Variants in PPIF observed in about 807,000 individuals in gnomAD.
PPIF encodes peptidyl-prolyl cis-trans isomerase F, mitochondrial.
A neutral mutation model predicts 20.2 loss-of-function variants in PPIF; 23 were observed. The ratio of observed to expected loss-of-function variants is 1.14; its 90% CI spans 0.82 to 1.61. PPIF has a LOEUF of 1.61. Among genes scored for constraint, PPIF ranks in the 40% most tolerant of loss-of-function variants. The pLI is 0.00. For missense variants in PPIF, 287 were observed against 291.6 expected, an observed-to-expected ratio of 0.98 and a Z score of 0.11; for synonymous variants, 113 against 123.1, an observed-to-expected ratio of 0.92 and a Z score of 0.54.
intron 4 of PPIF, chr10:79,351,815 C>G (rs1437742714): frequency 6.0e-6 from 3 of 497,622 alleles, no homozygotes; most frequent in African/African-American, 3.9e-5. Flanking sequence ...GTGGAAGAAC[C>G]TTTAAGCAGA....
intron 4 of PPIF, among the ~76,000 whole-genome samples, chr10:79,352,059 C>A (rs898293347): frequency 6.6e-6 from 1 of 152,110 alleles, no homozygotes; most frequent in African/African-American, 2.4e-5. Flanking sequence ...GGGGTCCTGC[C>A]CCAGGTCCCG....
intron 4 of PPIF, among the ~76,000 whole-genome samples, 156 bp from the exon 5 acceptor site, chr10:79,352,161 G>A (rs1855990374): frequency 6.6e-6 from 1 of 152,116 alleles, no homozygotes. Context: ...GGCATACCCT[G>A]GGGGGCTGGT....
intron 5 of PPIF, 129 bp downstream of exon 5, chr10:79,352,521 C>T (rs1211572964): frequency 3.3e-6 from 3 of 913,332 alleles, no homozygotes; most frequent in Non-Finnish European, 5.1e-6. Context: ...CTCTCCCAGG[C>T]TGTGTGTTTG....
In PPIF at chr10:79,354,217, C is replaced by G. The variant is rs1460657575; in HGVS notation, c.*375C>G. On this transcript the variant is annotated 3_prime_UTR_variant, in exon 6 of 6. Coordinates refer to ENST00000225174, the MANE Select transcript of PPIF (RefSeq NM_005729.4). ...GGACAGTCAGTTTTGCAAAAGGACT[C>G]TAATACCTGTTTAATATTGTCTTCC... 1 of 255,910 alleles carries G rather than the reference C, an allele frequency of 3.9e-6. No individual in the cohort carries two copies. The highest frequency in any genetic ancestry group is 7.7e-6 in the Non-Finnish European group (1 of 130,010). 15.9% of individuals were successfully genotyped at this position (255,910 alleles called of 1,614,324 possible).
Position 79,347,746 on chromosome 10 carries a change from G to A in PPIF, c.195+3G>A. On this transcript the variant is annotated splice_donor_region_variant and intron_variant, in intron 1 of 5. Transcript: ENST00000225174. The stretch of plus-strand genomic sequence containing the variant: ...CGCTCGGCCGCGTGGTGCTGGAGGT[G>A]AGACCGCTCGCAGGGCCGGCCTGGG... 1 of 1,342,480 alleles carries A rather than the reference G, an allele frequency of 7.4e-7. No homozygotes were observed. Among genetic ancestry groups the A allele is most frequent in the Non-Finnish European group, 9.6e-7 (1 of 1,038,808 alleles). The allele number at this position is 1,342,480 out of a possible 1,614,324, so 83.2% of individuals were successfully genotyped here.
chr10:79,352,603 G>A (rs1412431812), intron 5 of PPIF, among the ~76,000 whole-genome samples: 18 of 152,338 alleles, frequency 1.2e-4, no homozygotes, highest in Admixed American at 9.8e-4. Context: ...GTCATGGTTC[G>A]GGTTCCCATT....
At chr10:79,353,599 G>T in intron 5 of PPIF, 108 bp from the exon 6 acceptor site, 1 of 1,580,560 alleles carries the variant, frequency 6.3e-7, no homozygotes, top group South Asian at 1.1e-5. Context: ...ATTCCATGGG[G>T]ATTCTTTTCA....
At position 79,347,489 on chromosome 10, in the gene PPIF, G is replaced by A; in HGVS notation, c.-60G>A. On this transcript the variant is annotated 5_prime_UTR_variant, in exon 1 of 6. Coordinates refer to ENST00000225174, the MANE Select transcript of PPIF (RefSeq NM_005729.4). ...GCGGGACTCGGCCTTCTGGGCGCGCGCGACGTCAGTTTGAGTTCTGTGTTC... is the reference window on the plus strand; with the variant it reads ...GCGGGACTCGGCCTTCTGGGCGCGCACGACGTCAGTTTGAGTTCTGTGTTC... 1 of 1,253,040 alleles carries A rather than the reference G, an allele frequency of 8.0e-7. No homozygotes were observed. The highest frequency in any genetic ancestry group is 1.0e-6 in the Non-Finnish European group (1 of 999,480). 77.6% of individuals were successfully genotyped at this position (1,253,040 alleles called of 1,614,324 possible).
At chr10:79,348,064 C>G (rs944900993) in intron 1 of PPIF, among the ~76,000 whole-genome samples, 17 of 152,116 alleles carry the variant, frequency 1.1e-4, no homozygotes, top group Admixed American at 1.0e-3. Flanking sequence ...TGGGGCTGAG[C>G]CTAGATCCGG....
intron 3 of PPIF, 92 bp from the exon 4 acceptor site, chr10:79,351,394 TG>T: frequency 8.9e-7 from 1 of 1,123,182 alleles, no homozygotes; most frequent in Non-Finnish European, 1.3e-6. Flanking sequence ...GCCAACTGGG[TG>T]GGCTTGGGTG....
chr10:79,347,662 C>T lies in PPIF; in HGVS notation c.114C>T (p.Ser38=). Residue 38 remains serine (S), a synonymous_variant, in exon 1 of 6, where the codon TCC becomes TCT. Transcript: ENST00000225174. ...GCAGCAAGGGCTCCGGCGACCCGTC[C>T]TCTTCCTCCTCCTCCGGGAACCCGC... is the stretch of plus-strand genomic sequence containing the variant. ...RACSKGSGDP[S]SSSSSGNPLV... is the part of the protein sequence containing the mutation. 6.8e-7 allele frequency: 1 copy of T among 1,472,780 alleles called. No individual in the cohort carries two copies. The highest frequency in any genetic ancestry group is 9.0e-7 in the Non-Finnish European group (1 of 1,108,522). 91.2% of individuals were successfully genotyped at this position (1,472,780 alleles called of 1,614,324 possible). A position where few individuals can be genotyped will look rare whatever the true frequency, so the allele number is the denominator to read the frequency against.
At chr10:79,349,969 CCGGGGG>C in intron 3 of PPIF, 1 of 1,035,278 alleles carries the variant, frequency 9.7e-7, no homozygotes, top group Non-Finnish European at 1.3e-6. Flanking sequence ...CAGGCCCTGC[CCGGGGG>C]ACTGGGAGGT....
intron 3 of PPIF, 190 bp downstream of exon 3, chr10:79,349,943 C>A: frequency 7.7e-7 from 1 of 1,292,074 alleles, no homozygotes; most frequent in Non-Finnish European, 1.0e-6. Context: ...AACCCGCTGC[C>A]ACTCCAGGTC....
Position 79,347,600 on chromosome 10 carries a change from C to G in PPIF, c.52C>G (p.Arg18Gly). Residue 18 changes from arginine to glycine, a missense_variant, in exon 1 of 6, where the codon CGC becomes GGC. Arg to Gly is a moderately radical substitution (Grantham distance 125, BLOSUM62 -2). Transcript: ENST00000225174. The part of the protein sequence containing the change: ...SRWLGLLSVP[R>G]SVPLRLPAAR... Reference sequence around the variant, plus strand: ...CTGGCTCGGCCTGCTCTCCGTCCCGCGCTCCGTGCCGCTGCGCCTCCCCGC... The same window carrying G: ...CTGGCTCGGCCTGCTCTCCGTCCCGGGCTCCGTGCCGCTGCGCCTCCCCGC... 7.0e-7 allele frequency: 1 copy of G among 1,427,668 alleles called. No homozygotes were observed. Among genetic ancestry groups the G allele is most frequent in the Non-Finnish European group, 9.2e-7 (1 of 1,087,898 alleles). The allele number at this position is 1,427,668 out of a possible 1,614,324, so 88.4% of individuals were successfully genotyped here.
Position 79,352,409 on chromosome 10 carries a change from A to C in PPIF, c.488+17A>C, listed in dbSNP as rs764525827. 6.2e-7 allele frequency: 1 copy of C among 1,610,086 alleles called. No homozygotes were observed. The highest frequency in any genetic ancestry group is 8.5e-7 in the Non-Finnish European group (1 of 1,176,432). Reference sequence around the variant, plus strand: ...GACAGACTGGTGAGTTCCCTGCCCCAGGCCCTCTGGGAATGCGGGCAGCCT... The same window carrying C: ...GACAGACTGGTGAGTTCCCTGCCCCCGGCCCTCTGGGAATGCGGGCAGCCT... On this transcript the variant is annotated intron_variant, in intron 5 of 5. Coordinates refer to ENST00000225174, the MANE Select transcript of PPIF (RefSeq NM_005729.4).
intron 2 of PPIF, 143 bp from the exon 3 acceptor site, chr10:79,349,522 G>A (rs1483894973): frequency 4.9e-6 from 7 of 1,439,536 alleles, no homozygotes; most frequent in Non-Finnish European, 6.5e-6. Flanking sequence ...ATAGCGAGTT[G>A]GGCAGAGCAG....
In PPIF at chr10:79,354,076, C is replaced by A. The variant is rs535150575; in HGVS notation, c.*234C>A. On this transcript the variant is annotated 3_prime_UTR_variant, in exon 6 of 6. Coordinates refer to ENST00000225174, the MANE Select transcript of PPIF (RefSeq NM_005729.4). ...CTGGGCATCTTTGTGGACATGATGT[C>A]ACCCACCCCTTGTCAAGCATTGCCT... The A allele has an allele frequency of 1.3e-5, 7 of 547,066 alleles. No individual in the cohort carries two copies. In the South Asian group the frequency reaches 1.5e-4, roughly 12 times the overall value. The allele number at this position is 547,066 out of a possible 1,614,324, so 33.9% of individuals were successfully genotyped here.
intron 1 of PPIF, among the ~76,000 whole-genome samples, chr10:79,348,672 AC>A (rs1181270421): frequency 1.3e-5 from 2 of 151,912 alleles, no homozygotes; most frequent in Non-Finnish European, 2.9e-5. Flanking sequence ...CCCTCCCCAC[AC>A]CCTCATGCCT....
Position 79,352,305 on chromosome 10 carries a change from T to C in PPIF, c.413-12T>C, listed in dbSNP as rs370310037. The C allele has an allele frequency of 1.5e-5, 25 of 1,613,626 alleles. No individual in the cohort carries two copies. In the African/African-American group the frequency reaches 2.9e-4, roughly 19 times the overall value. ...CAGGGGCAGCGTGGCTCAGCCCTGC[T>C]GGTTTTTGCAGGTGTCCTGTCCATG... On this transcript the variant is annotated splice_polypyrimidine_tract_variant and intron_variant, in intron 4 of 5. Transcript: ENST00000225174.
Sources: gnomAD v4.1 joint callset for allele counts (sites outside exome capture counted in the v4.1 genomes callset) on GRCh38, gnomAD v4.1.1 for gene constraint, MANE v1.5 for transcripts, NCBI Gene and HGNC (gene_info 2026-07-23, HGNC 2026-07-21) for gene names.